TSC1: variants seen among roughly 807,000 people sequenced by gnomAD.
The protein encoded by TSC1 is TSC complex subunit 1.
A neutral mutation model predicts 124.3 loss-of-function variants in TSC1; 20 were observed. The observed-to-expected ratio is 0.16, with a 90% CI of 0.11 to 0.23. The LOEUF (loss-of-function observed/expected upper bound fraction) is 0.23. Ranked by LOEUF, TSC1 falls within the 10% of genes least tolerant of loss-of-function variation. The probability of loss-of-function intolerance (pLI) is 1.00; values close to 1 mark genes in which losing one functional copy is unlikely to be tolerated. For missense variants in TSC1, 1,124 were observed against 1,448.5 expected (o/e 0.78, Z 3.64); for synonymous variants, 493 against 539.1 (o/e 0.91, Z 1.19).
rs772233665 is a variant in TSC1 at position 132,896,344 on chromosome 9, G to A, written c.3386C>T (p.Ala1129Val). The A allele has an allele frequency of 2.5e-6, 4 of 1,614,074 alleles. No individual in the cohort carries two copies. The highest frequency in any genetic ancestry group is 1.3e-5 in the African/African-American group (1 of 74,932). The change falls in exon 23 of 23, where the codon GCC (alanine) becomes GTC (valine). Residue 1129 changes from alanine to valine, a missense_variant. Physicochemically the swap from Ala to Val is moderately conservative, Grantham distance 64. This residue lies in a region of TSC1 where 325 missense variants were observed against 383.4 expected (regional missense o/e 0.85). Coordinates refer to ENST00000298552, the MANE Select transcript of TSC1 (RefSeq NM_000368.5). The surrounding 1 kb of genome is among the most constrained non-coding windows in gnomAD (Gnocchi z 4.5). ...TELGKDLGVE[A>V]KIPLNLDGPH... is the part of the protein sequence containing the mutation. ...GCCATCTAGGTTCAGGGGAATCTTG[G>A]CTTCCACACCCAAGTCTTTGCCCAG...
chr9:132,927,758 C>G (rs570614427), intron 3 of TSC1, among the ~76,000 whole-genome samples: 2 of 152,154 alleles, frequency 1.3e-5, no homozygotes, highest in African/African-American at 2.4e-5. Flanking sequence ...ATCTCCTGAC[C>G]TTGTGATCCG....
At position 132,895,022 on chromosome 9, in the gene TSC1, G is replaced by C; in HGVS notation, c.*1213C>G. The C allele has an allele frequency of 4.3e-6, 1 of 232,712 alleles. No individual in the cohort carries two copies. The highest frequency in any genetic ancestry group is 8.5e-6 in the Non-Finnish European group (1 of 117,518). The allele number at this position is 232,712 out of a possible 1,614,324, so 14.4% of individuals were successfully genotyped here. On this transcript the variant is annotated 3_prime_UTR_variant, in exon 23 of 23. Transcript: ENST00000298552. ...GCAGCCTAGTGGGTATACACAGCCAGCCTTTGCCAGCATTCTCCCGGACTC... is the reference window on the plus strand; with the variant it reads ...GCAGCCTAGTGGGTATACACAGCCACCCTTTGCCAGCATTCTCCCGGACTC...
chr9:132,926,095 C>T (rs1017302552), intron 4 of TSC1: 6 of 337,794 alleles, frequency 1.8e-5, no homozygotes, highest in African/African-American at 1.1e-4. Flanking sequence ...ATTGCTAGAG[C>T]AACCCAGCCT....
chr9:132,933,429 C>T (rs1056375607), intron 2 of TSC1, among the ~76,000 whole-genome samples: 1 of 149,716 alleles, frequency 6.7e-6, no homozygotes, highest in African/African-American at 2.5e-5. Context: ...AAGAAAAATG[C>T]TATTAAAAGC....
Position 132,907,554 on chromosome 9 carries a change from A to G in TSC1, c.1264-184T>C, listed in dbSNP as rs45467998. The stretch of plus-strand genomic sequence containing the variant: ...GCCCAGGCTGGAGTGCAATGGCACA[A>G]TCTCGGCTCACTGCAACCTCCGCCT... On this transcript the variant is annotated intron_variant, in intron 12 of 22. Transcript: ENST00000298552. Among the ~76,000 whole-genome samples, 1,326 of 147,520 alleles carry G rather than the reference A, an allele frequency of 9.0e-3. 8 individuals carry two copies. Among genetic ancestry groups the G allele is most frequent in the Non-Finnish European group, 0.013 (881 of 66,392 alleles).
chr9:132,912,559 G>C, intron 8 of TSC1, 102 bp from the exon 9 acceptor site: 1 of 1,362,730 alleles, frequency 7.3e-7, no homozygotes, highest in Admixed American at 1.8e-5. Context: ...TGATAGCAAA[G>C]AACAAGCGGG....
At chr9:132,913,698 C>T (rs1193439630) in intron 8 of TSC1, among the ~76,000 whole-genome samples, 9 of 150,264 alleles carry the variant, frequency 6.0e-5, no homozygotes, top group Non-Finnish European at 1.0e-4. Context: ...CGGTGGCGGG[C>T]GCCTGTAGTC....
At chr9:132,907,796 A>T (rs1845750543) in intron 12 of TSC1, among the ~76,000 whole-genome samples, 1 of 151,796 alleles carries the variant, frequency 6.6e-6, no homozygotes, top group Admixed American at 6.6e-5. Flanking sequence ...GTCTTAAAAA[A>T]TGGCTGCAGA....
At chr9:132,900,677 T>C (rs1845323635) in intron 20 of TSC1, 38 bp downstream of exon 20, 1 of 1,612,930 alleles carries the variant, frequency 6.2e-7, no homozygotes, top group Non-Finnish European at 8.5e-7. Context: ...TCTGAAACGC[T>C]TTCCCCACTA....
intron 2 of TSC1, among the ~76,000 whole-genome samples, chr9:132,931,885 T>G (rs558756011): frequency 6.6e-6 from 1 of 152,216 alleles, no homozygotes; most frequent in African/African-American, 2.4e-5. Context: ...TCAGGGGTGG[T>G]GGTAGTGGTG....
At chr9:132,909,885 C>T (rs1845852246) in intron 12 of TSC1, 1 of 152,582 alleles carries the variant, frequency 6.6e-6, no homozygotes, top group African/African-American at 2.4e-5. Context: ...TGGGATAGGA[C>T]ACTTCAATGC....
chr9:132,891,426 A>G lies in TSC1; in HGVS notation c.*4809T>C. On this transcript the variant is annotated 3_prime_UTR_variant, in exon 23 of 23. Transcript: ENST00000298552. Reference sequence around the variant, plus strand: ...CTTGACATTTTAGAACATTCTAAGAAGGACAGCAAACTCTTTTGATTCCAA... The same window carrying G: ...CTTGACATTTTAGAACATTCTAAGAGGGACAGCAAACTCTTTTGATTCCAA... The G allele has an allele frequency of 4.3e-6, 1 of 233,506 alleles. No individual in the cohort carries two copies. The highest frequency in any genetic ancestry group is 8.5e-6 in the Non-Finnish European group (1 of 117,922). 14.5% of individuals were successfully genotyped at this position (233,506 alleles called of 1,614,324 possible).
chr9:132,931,458 C>G (rs1730114809), intron 2 of TSC1: 1 of 152,182 alleles, frequency 6.6e-6, no homozygotes, highest in African/African-American at 2.4e-5. Context: ...GTTTTGGCAA[C>G]AAGTTTTTCT....
chr9:132,939,911 G>A (rs1347792983), intron 1 of TSC1, among the ~76,000 whole-genome samples: 1 of 152,124 alleles, frequency 6.6e-6, no homozygotes, highest in East Asian at 1.9e-4. Flanking sequence ...CTTTGGGGGT[G>A]GGGCCTTCTA....
chr9:132,900,434 A>G, intron 20 of TSC1: 1 of 439,432 alleles, frequency 2.3e-6, no homozygotes, highest in Non-Finnish European at 4.2e-6. Context: ...CCTCTTTGAA[A>G]GGCAGCCTAG....
intron 3 of TSC1, 99 bp downstream of exon 3, chr9:132,928,668 A>G (rs1847023887): frequency 1.3e-6 from 2 of 1,518,592 alleles, no homozygotes; most frequent in East Asian, 4.7e-5. Flanking sequence ...AAAACTTTTC[A>G]GAAGATGAAA....
At chr9:132,938,806 T>C (rs1181325099) in intron 1 of TSC1, among the ~76,000 whole-genome samples, 1 of 152,220 alleles carries the variant, frequency 6.6e-6, no homozygotes, top group East Asian at 1.9e-4. Flanking sequence ...TGGATTTATC[T>C]GAAATTACAG....
rs1845366292 is a variant in TSC1, at chr9:132,901,437, C to T, written c.2502+152G>A. 11 of 776,014 alleles carry T rather than the reference C, an allele frequency of 1.4e-5. No individual in the cohort carries two copies. In the South Asian group the frequency reaches 1.6e-4, roughly 11 times the overall value. 48.1% of individuals were successfully genotyped at this position (776,014 alleles called of 1,614,324 possible). A position where few individuals can be genotyped will look rare whatever the true frequency, so the allele number is the denominator to read the frequency against. ...AACCTAAAATGTCTCCAGACATTGC[C>T]AAATGTCAGGGACTATGGGGGCAGC... On this transcript the variant is annotated intron_variant, in intron 19 of 22. Coordinates refer to ENST00000298552, the MANE Select transcript of TSC1 (RefSeq NM_000368.5).
rs566627294 is a variant in TSC1, at chr9:132,913,716, C to G, written c.738-1259G>C. 1.0e-3 allele frequency among the ~76,000 whole-genome samples: 150 copies of G among 150,620 alleles called. No homozygotes were observed. In the Middle Eastern group the frequency reaches 0.01, roughly 10 times the overall value. ...TGGCGGGCGCCTGTAGTCCCAGCTA[C>G]TCAGGAGGCTGAGGCAGGAGAATGG... On this transcript the variant is annotated intron_variant, in intron 8 of 22. Transcript: ENST00000298552.
Sources: gnomAD v4.1 joint callset for allele counts (sites outside exome capture counted in the v4.1 genomes callset) on GRCh38, gnomAD v4.1.1 for gene constraint, gnomAD v4.1.1 regional missense constraint, Gnocchi (gnomAD v3.1) non-coding constraint, MANE v1.5 for transcripts, NCBI Gene and HGNC (gene_info 2026-07-23, HGNC 2026-07-21) for gene names.